Variants in C18orf32 observed in about 807,000 individuals in gnomAD.
C18orf32 encodes UPF0729 protein C18orf32.
C18orf32 carries 5 observed loss-of-function variants against 7.4 expected under a neutral mutation model. The observed-to-expected ratio is 0.68, with a 90% CI of 0.35 to 1.42. The LOEUF (loss-of-function observed/expected upper bound fraction) is 1.42, where lower values mean the gene tolerates loss of function less well. Ranked by LOEUF, C18orf32 falls within the 40% of genes most tolerant of loss-of-function variation. C18orf32 has a pLI of 0.04. For missense variants in C18orf32, 88 were observed against 92.4 expected, an observed-to-expected ratio of 0.95 and a Z score of 0.19; for synonymous variants, 30 against 29.3, an observed-to-expected ratio of 1.02 and a Z score of -0.08.
At chr18:49,485,885 G>C (rs957009771) in intron 1 of C18orf32, 1 of 152,056 alleles carries the variant, frequency 6.6e-6, no homozygotes, top group East Asian at 1.9e-4. Context: ...GCCTCCCAAA[G>C]TGCTGGGATT....
At chr18:49,483,513 CA>C (rs2083690818) in intron 2 of C18orf32, 70 bp downstream of exon 2, 1 of 1,480,560 alleles carries the variant, frequency 6.8e-7, no homozygotes. Flanking sequence ...CTTGTCCTTC[CA>C]AAATCTAGTG....
In C18orf32 at chr18:49,484,177, C is replaced by T. The variant is rs1235444790; in HGVS notation, c.-23-406G>A. 3.6e-5 allele frequency among the ~76,000 whole-genome samples: 5 copies of T among 140,614 alleles called. No homozygotes were observed. In the East Asian group the frequency reaches 1.0e-3, roughly 29 times the overall value. The allele number at this position is 140,614 out of a possible 152,430, so 92.2% of individuals were successfully genotyped here. On this transcript the variant is annotated intron_variant, in intron 1 of 2. Coordinates refer to ENST00000318240, the MANE Select transcript of C18orf32 (RefSeq NM_001035005.4). ...ATATATATATATATATACACACACA[C>T]ACACACACACACACACACACACACG...
chr18:49,479,586 T>G lies in C18orf32; in HGVS notation c.*2759A>C, dbSNP rs1420909785. The G allele has an allele frequency of 6.6e-6, 1 of 152,076 alleles. No individual in the cohort carries two copies. Among genetic ancestry groups the G allele is most frequent in the Non-Finnish European group, 1.5e-5 (1 of 68,116 alleles). The allele number at this position is 152,076 out of a possible 1,614,324, so 9.4% of individuals were successfully genotyped here. A position where few individuals can be genotyped will look rare whatever the true frequency, so the allele number is the denominator to read the frequency against. On this transcript the variant is annotated 3_prime_UTR_variant, in exon 3 of 3. Transcript: ENST00000318240. The stretch of plus-strand genomic sequence containing the variant: ...CACCCCTGGGCCCAAAAGGGCAGGG[T>G]GAAGGACAGGTTAGGAAAAATAAAA...
At position 49,479,520 on chromosome 18, in the gene C18orf32, G is replaced by C. The variant is rs923938923; in HGVS notation, c.*2825C>G. 4 of 152,680 alleles carry C rather than the reference G, an allele frequency of 2.6e-5. No individual in the cohort carries two copies. Among genetic ancestry groups the C allele is most frequent in the African/African-American group, 9.7e-5 (4 of 41,450 alleles). 9.5% of individuals were successfully genotyped at this position (152,680 alleles called of 1,614,324 possible). A position where few individuals can be genotyped will look rare whatever the true frequency, so the allele number is the denominator to read the frequency against. ...TCCCAGCAAGCCAGATAGCACTCTT[G>C]AGAGGAAGCAGTAGCCCAGAGCCAG... On this transcript the variant is annotated 3_prime_UTR_variant, in exon 3 of 3. Transcript: ENST00000318240.
rs558975144 is a variant in C18orf32 at position 49,479,331 on chromosome 18, C to G, written c.*3014G>C. ...ACAGGAGGGTGGCAACAGAAAGTCC[C>G]GAGGACTGCAGTGTGCACCAGGTCT... is the stretch of plus-strand genomic sequence containing the variant. On this transcript the variant is annotated 3_prime_UTR_variant, in exon 3 of 3. Coordinates refer to ENST00000318240, the MANE Select transcript of C18orf32 (RefSeq NM_001035005.4). The G allele has an allele frequency of 1.3e-5, 2 of 152,144 alleles. No individual in the cohort carries two copies. Among genetic ancestry groups the G allele is most frequent in the Non-Finnish European group, 2.9e-5 (2 of 68,060 alleles). The allele number at this position is 152,144 out of a possible 1,614,324, so 9.4% of individuals were successfully genotyped here.
intron 1 of C18orf32, chr18:49,486,379 G>A (rs2083745306): frequency 6.6e-6 from 1 of 152,050 alleles, no homozygotes; most frequent in Non-Finnish European, 1.5e-5. Flanking sequence ...AAGTAAGTTC[G>A]CACACAGTAC....
At position 49,482,260 on chromosome 18, in the gene C18orf32, AAAAAGGTCAGAGACAATTACAAGG is replaced by A; in HGVS notation, c.*61_*84del. On this transcript the variant is annotated 3_prime_UTR_variant, in exon 3 of 3. Coordinates refer to ENST00000318240, the MANE Select transcript of C18orf32 (RefSeq NM_001035005.4). Reference sequence around the variant, plus strand: ...CCTATCCTGAATTCCGGTCTCAGATAAAAAGGTCAGAGACAATTACAAGGAAGATGCTTCATATTATCAGGTCCA... The same window carrying A: ...CCTATCCTGAATTCCGGTCTCAGATAAAGATGCTTCATATTATCAGGTCCA... The A allele has an allele frequency of 1.5e-5, 14 of 944,628 alleles. No homozygotes were observed. The highest frequency in any genetic ancestry group is 2.4e-5 in the Non-Finnish European group (14 of 582,638). 58.5% of individuals were successfully genotyped at this position (944,628 alleles called of 1,614,324 possible).
chr18:49,482,792 GTC>G (rs201534462), intron 2 of C18orf32, among the ~76,000 whole-genome samples: 11 of 134,468 alleles, frequency 8.2e-5, no homozygotes, highest in African/African-American at 2.7e-4. Context: ...GAGACATTCT[GTC>G]TCTCTCTTTT....
In C18orf32 at chr18:49,479,055, G is replaced by A. The variant is rs2083639972; in HGVS notation, c.*3290C>T. ...CTATCCTGCTTTTAAAATGTTGCTA[G>A]TATGAAAACAACGACTGGGAACCAG... On this transcript the variant is annotated 3_prime_UTR_variant, in exon 3 of 3. Coordinates refer to ENST00000318240, the MANE Select transcript of C18orf32 (RefSeq NM_001035005.4). The A allele has an allele frequency of 6.6e-6, 1 of 152,030 alleles. No homozygotes were observed. Among genetic ancestry groups the A allele is most frequent in the Non-Finnish European group, 1.5e-5 (1 of 68,010 alleles). 9.4% of individuals were successfully genotyped at this position (152,030 alleles called of 1,614,324 possible).
chr18:49,481,303 A>C lies in C18orf32; in HGVS notation c.*1042T>G, dbSNP rs1226232796. ...GGACCCAAGGGCAGGAGTTCCTTTT[A>C]ATCTTTCCCAGCTTCAGAGTGAATA... is the stretch of plus-strand genomic sequence containing the variant. On this transcript the variant is annotated 3_prime_UTR_variant, in exon 3 of 3. Transcript: ENST00000318240. The C allele has an allele frequency of 6.6e-6, 1 of 152,120 alleles. No homozygotes were observed. Among genetic ancestry groups the C allele is most frequent in the South Asian group, 2.1e-4 (1 of 4,826 alleles). 9.4% of individuals were successfully genotyped at this position (152,120 alleles called of 1,614,324 possible).
chr18:49,485,504 A>T (rs1460240892), intron 1 of C18orf32, among the ~76,000 whole-genome samples: 2 of 151,928 alleles, frequency 1.3e-5, no homozygotes, highest in Non-Finnish European at 2.9e-5. Context: ...CAGTGAGCTG[A>T]GATTGCGCCA....
At chr18:49,483,032 C>CA (rs1424928550) in intron 2 of C18orf32, among the ~76,000 whole-genome samples, 1 of 152,078 alleles carries the variant, frequency 6.6e-6, no homozygotes, top group Non-Finnish European at 1.5e-5. Context: ...CTCCTGACCT[C>CA]AGGTGATCAA....
chr18:49,480,711 TAG>T lies in C18orf32; in HGVS notation c.*1632_*1633del, dbSNP rs1461752092. ...ACTTCAGGACTGCAGGTCGAGGCCA[TAG>T]AGAGCCGTGATCATGCTGCTGCACT... is the stretch of plus-strand genomic sequence containing the variant. On this transcript the variant is annotated 3_prime_UTR_variant, in exon 3 of 3. Coordinates refer to ENST00000318240, the MANE Select transcript of C18orf32 (RefSeq NM_001035005.4). 2 of 152,156 alleles carry T rather than the reference TAG, an allele frequency of 1.3e-5. No individual in the cohort carries two copies. Among genetic ancestry groups the T allele is most frequent in the Non-Finnish European group, 2.9e-5 (2 of 68,038 alleles). The allele number at this position is 152,156 out of a possible 1,614,324, so 9.4% of individuals were successfully genotyped here. A position where few individuals can be genotyped will look rare whatever the true frequency, so the allele number is the denominator to read the frequency against.
chr18:49,483,799 A>C (rs755040185), intron 1 of C18orf32, 28 bp from the exon 2 acceptor site: 1 of 1,579,176 alleles, frequency 6.3e-7, no homozygotes, highest in South Asian at 1.2e-5. Context: ...GAAAAAAATT[A>C]GTTCATCACA....
At chr18:49,483,271 T>A (rs552333271) in intron 2 of C18orf32, among the ~76,000 whole-genome samples, 124 of 152,110 alleles carry the variant, frequency 8.2e-4, no homozygotes, top group African/African-American at 2.5e-3. Flanking sequence ...GTTTTTTTTT[T>A]AAATCTCTAT....
rs767172197 is a variant in C18orf32, at chr18:49,482,409, C to A, written c.167G>T (p.Gly56Val). 2 of 1,608,334 alleles carry A rather than the reference C, an allele frequency of 1.2e-6. No individual in the cohort carries two copies. Among genetic ancestry groups the A allele is most frequent in the East Asian group, 2.2e-5 (1 of 44,782 alleles). Reference sequence around the variant, plus strand: ...TGTTGGTAATCCATTCATGTCTGCACCCTAAAATGAAAAAACATTTTAGAA... The same window carrying A: ...TGTTGGTAATCCATTCATGTCTGCAACCTAAAATGAAAAAACATTTTAGAA... Reference protein sequence around the residue: ...DTNKGKVNFKGADMNGLPTKG... With the variant: ...DTNKGKVNFKVADMNGLPTKG... Residue 56 changes from glycine (G) to valine (V), a missense_variant and splice_region_variant, in exon 3 of 3, where the codon GGT (glycine) becomes GTT (valine). Gly to Val is a moderately radical substitution (Grantham distance 109). Coordinates refer to ENST00000318240, the MANE Select transcript of C18orf32 (RefSeq NM_001035005.4).
chr18:49,484,060 T>C (rs113118219), intron 1 of C18orf32, among the ~76,000 whole-genome samples: 7,197 of 149,122 alleles, frequency 0.048, 215 homozygotes, highest in Middle Eastern at 0.088. Context: ...GCCCAGGAGG[T>C]TGAGGCTGCA....
chr18:49,484,153 TATATATATATATATAC>T lies in C18orf32; in HGVS notation c.-23-398_-23-383del, dbSNP rs1256590112. Among the ~76,000 whole-genome samples the T allele has an allele frequency of 3.1e-3, 159 of 50,942 alleles. 2 individuals are homozygous for T. The South Asian group carries it at 0.066, about 21-fold the overall frequency. The allele number at this position is 50,942 out of a possible 152,430, so 33.4% of individuals were successfully genotyped here. On this transcript the variant is annotated intron_variant, in intron 1 of 2. Transcript: ENST00000318240. ...CAAAAAAAGAAAAAAAAAAAATATA[TATATATATATATATAC>T]ACACACACACACACACACACACACA...
intron 2 of C18orf32, 137 bp downstream of exon 2, chr18:49,483,447 A>T: frequency 8.6e-7 from 1 of 1,169,154 alleles, no homozygotes; most frequent in Non-Finnish European, 1.2e-6. Context: ...GGCCTACTTT[A>T]AAACTTTAAT....
Sources: gnomAD v4.1 joint callset for allele counts (sites outside exome capture counted in the v4.1 genomes callset) on GRCh38, gnomAD v4.1.1 for gene constraint, MANE v1.5 for transcripts, NCBI Gene and HGNC (gene_info 2026-07-23, HGNC 2026-07-21) for gene names.